The following ZBBX variants were observed in gnomAD, a reference collection of about 807,000 sequenced individuals.
ZBBX encodes zinc finger B-box domain containing.
ZBBX carries 101 observed loss-of-function variants against 108.5 expected under a neutral mutation model. The ratio of observed to expected loss-of-function variants is 0.93; its 90% CI spans 0.79 to 1.10. The LOEUF (loss-of-function observed/expected upper bound fraction) is 1.10. Among genes scored for constraint, ZBBX ranks in the 50% least tolerant of loss-of-function variants. The pLI is 0.00. For synonymous variants in ZBBX, 356 were observed against 323.4 expected, an observed-to-expected ratio of 1.10 and a Z score of -1.08; for missense variants, 1,009 against 941.4, an observed-to-expected ratio of 1.07 and a Z score of -0.94.
chr3:167,249,472 C>T (rs775726846), intron 20 of ZBBX, among the ~76,000 whole-genome samples: 1 of 152,218 alleles, frequency 6.6e-6, no homozygotes, highest in Non-Finnish European at 1.5e-5. Flanking sequence ...CCACCCTATA[C>T]AGCTTCAGCT....
chr3:167,283,827 G>A (rs1729237256), intron 19 of ZBBX, among the ~76,000 whole-genome samples: 1 of 152,134 alleles, frequency 6.6e-6, no homozygotes, highest in South Asian at 2.1e-4. Flanking sequence ...ATTTTTAGTA[G>A]AGATGGGGTT....
chr3:167,395,918 C>T (rs1748221937), intron 1 of ZBBX, among the ~76,000 whole-genome samples: 1 of 151,972 alleles, frequency 6.6e-6, no homozygotes. Context: ...AACCTTCTCC[C>T]TCTAGCTTCC....
rs1736581093 is a variant in ZBBX at position 167,322,306 on chromosome 3, G to A, written c.863-69C>T. The A allele has an allele frequency of 3.9e-6, 5 of 1,277,682 alleles. No individual in the cohort carries two copies. In the African/African-American group the frequency reaches 4.6e-5, roughly 12 times the overall value. The allele number at this position is 1,277,682 out of a possible 1,614,324, so 79.1% of individuals were successfully genotyped here. ...TACAAATTACTATATCTTCTCTTAA[G>A]ATGTAGAACTCATCATTTTTGGGGC... On this transcript the variant is annotated intron_variant, in intron 11 of 21. Coordinates refer to ENST00000675490, the MANE Select transcript of ZBBX (RefSeq NM_001199201.2).
chr3:167,395,262 G>A (rs959012542), intron 1 of ZBBX, among the ~76,000 whole-genome samples: 5 of 151,996 alleles, frequency 3.3e-5, no homozygotes, highest in Non-Finnish European at 5.9e-5. Flanking sequence ...TTTTTAGAAG[G>A]AAATAATGTT....
At chr3:167,295,785 C>A (rs1273901502) in intron 18 of ZBBX, among the ~76,000 whole-genome samples, 1 of 120,216 alleles carries the variant, frequency 8.3e-6, no homozygotes, top group African/African-American at 3.2e-5. Flanking sequence ...GAGATTAAAT[C>A]TGTTAACAAA....
chr3:167,319,635 T>C lies in ZBBX; in HGVS notation c.984-2038A>G, dbSNP rs962598335. 2.0e-5 allele frequency among the ~76,000 whole-genome samples: 3 copies of C among 152,128 alleles called. No homozygotes were observed. In the East Asian group the frequency reaches 5.8e-4, roughly 29 times the overall value. ...ATGGTTTGGCCTAGATACCGTAGGC[T>C]ACAGATAAAAGCATGACACACAAAG... On this transcript the variant is annotated intron_variant, in intron 12 of 21. Transcript: ENST00000675490.
chr3:167,203,566 T>G, the ZBBX span, among the ~76,000 whole-genome samples: 1 of 152,144 alleles, frequency 6.6e-6, no homozygotes, highest in African/African-American at 2.4e-5. Context: ...TTTTTCTCCT[T>G]ATATTCTTCT....
At chr3:167,241,856 A>G (rs1489160587) in intron 21 of ZBBX, among the ~76,000 whole-genome samples, 1 of 152,234 alleles carries the variant, frequency 6.6e-6, no homozygotes, top group Non-Finnish European at 1.5e-5. Flanking sequence ...AAAGAAATTT[A>G]CAATACAAAT....
chr3:167,203,395 G>A, the ZBBX span, among the ~76,000 whole-genome samples: 2 of 152,026 alleles, frequency 1.3e-5, no homozygotes, highest in African/African-American at 2.4e-5. Context: ...ACTAGAGGTT[G>A]GGATTTCAAC....
intron 9 of ZBBX, among the ~76,000 whole-genome samples, chr3:167,349,656 T>C (rs902464951): frequency 6.6e-6 from 1 of 152,064 alleles, no homozygotes; most frequent in Non-Finnish European, 1.5e-5. Flanking sequence ...CTACAGATAA[T>C]ATTAAAACCC....
rs534713651 is a variant in ZBBX, at chr3:167,284,576, T to C, written c.1997-2081A>G. Among the ~76,000 whole-genome samples, 5 of 152,260 alleles carry C rather than the reference T, an allele frequency of 3.3e-5. No individual in the cohort carries two copies. In the South Asian group the frequency reaches 1.0e-3, roughly 32 times the overall value. On this transcript the variant is annotated intron_variant, in intron 19 of 21. Coordinates refer to ENST00000675490, the MANE Select transcript of ZBBX (RefSeq NM_001199201.2). The stretch of plus-strand genomic sequence containing the variant: ...ATGAAGAAAGAAAAATTTAATATAA[T>C]GTAGATGCCCTTCAGAAAATCTAGA...
rs1739078151 is a variant in ZBBX, at chr3:167,333,808, T to C, written c.687+19A>G. 5 of 1,567,780 alleles carry C rather than the reference T, an allele frequency of 3.2e-6. No individual in the cohort carries two copies. In the South Asian group the frequency reaches 3.6e-5, roughly 11 times the overall value. Reference sequence around the variant, plus strand: ...GTTACATATGTCAGAAAATGTCTACTATATTTTCCTCAGTTTACCTCAGAG... The same window carrying C: ...GTTACATATGTCAGAAAATGTCTACCATATTTTCCTCAGTTTACCTCAGAG... On this transcript the variant is annotated intron_variant, in intron 10 of 21. Coordinates refer to ENST00000675490, the MANE Select transcript of ZBBX (RefSeq NM_001199201.2).
intron 20 of ZBBX, among the ~76,000 whole-genome samples, chr3:167,270,118 T>C (rs1262025471): frequency 6.6e-6 from 1 of 152,208 alleles, no homozygotes; most frequent in East Asian, 1.9e-4. Context: ...GTAACCAGTT[T>C]TTCCATACAT....
intron 4 of ZBBX, among the ~76,000 whole-genome samples, chr3:167,371,581 G>T (rs1746161557): frequency 6.6e-6 from 1 of 152,124 alleles, no homozygotes; most frequent in African/African-American, 2.4e-5. Flanking sequence ...CTAGCACAGT[G>T]TATAGAAAAT....
chr3:167,327,873 C>T lies in ZBBX; in HGVS notation c.862+69G>A, dbSNP rs142229983. 4,423 of 1,464,494 alleles carry T rather than the reference C, an allele frequency of 3.0e-3. 135 individuals carry two copies. The African/African-American group carries it at 0.057, about 19-fold the overall frequency. The allele number at this position is 1,464,494 out of a possible 1,614,324, so 90.7% of individuals were successfully genotyped here. On this transcript the variant is annotated intron_variant, in intron 11 of 21. Transcript: ENST00000675490. ...AGGTTGCAGTAAGCCAAGATCACGC[C>T]GCTGCACTCCAGCCTGGGCAACAAA...
At chr3:167,392,607 A>C (rs896152961) in intron 1 of ZBBX, among the ~76,000 whole-genome samples, 2 of 151,756 alleles carry the variant, frequency 1.3e-5, no homozygotes, top group Non-Finnish European at 2.9e-5. Flanking sequence ...CGTATATCCC[A>C]CTGAAAAGAG....
intron 20 of ZBBX, among the ~76,000 whole-genome samples, chr3:167,266,934 G>A (rs565138279): frequency 1.3e-5 from 2 of 152,208 alleles, no homozygotes; most frequent in East Asian, 1.9e-4. Context: ...GACCCACCCA[G>A]TGTGATGAAT....
chr3:167,254,105 T>C (rs1723067060), intron 20 of ZBBX, among the ~76,000 whole-genome samples: 1 of 152,196 alleles, frequency 6.6e-6, no homozygotes, highest in Non-Finnish European at 1.5e-5. Flanking sequence ...AATCACATTG[T>C]ATCTTGTAAT....
chr3:167,205,634 C>T, the ZBBX span, among the ~76,000 whole-genome samples: 1 of 152,142 alleles, frequency 6.6e-6, no homozygotes, highest in Admixed American at 6.6e-5. Context: ...TCTTTCAGCC[C>T]TCACAAGAGT....
Sources: allele counts gnomAD v4.1 joint callset (sites outside exome capture counted in the v4.1 genomes callset), GRCh38; gene constraint gnomAD v4.1.1; transcripts MANE v1.5; gene names NCBI Gene and HGNC (gene_info 2026-07-23, HGNC 2026-07-21).